CLASP1: variants seen among roughly 807,000 people sequenced by gnomAD.
CLASP1 encodes the protein cytoplasmic linker associated protein 1, also known as CLIP-associating protein 1.
CLASP1 carries 38 observed loss-of-function variants against 192.3 expected under a neutral mutation model. The ratio of observed to expected loss-of-function variants is 0.20; its 90% CI spans 0.15 to 0.26. The LOEUF (loss-of-function observed/expected upper bound fraction) is 0.26, where lower values mean the gene tolerates loss of function less well. Among genes scored for constraint, CLASP1 ranks in the 10% least tolerant of loss-of-function variants. The pLI, the probability that CLASP1 is intolerant of heterozygous loss-of-function variation, is 1.00. For missense variants in CLASP1, 1,433 were observed against 1,932.5 expected, an observed-to-expected ratio of 0.74 and a Z score of 4.85; for synonymous variants, 691 against 712.8, an observed-to-expected ratio of 0.97 and a Z score of 0.49.
In CLASP1 at chr2:121,465,641, G is replaced by T. The variant is rs1230392248; in HGVS notation, c.866-3036C>A. Among the ~76,000 whole-genome samples, 3 of 152,128 alleles carry T rather than the reference G, an allele frequency of 2.0e-5. No homozygotes were observed. The East Asian group carries it at 5.8e-4, about 29-fold the overall frequency. ...ATGCCATCCCCATCAAGCTACCAAT[G>T]ACTTTCTTCACAGAATTGGAAAAAA... is the stretch of plus-strand genomic sequence containing the variant. On this transcript the variant is annotated intron_variant, in intron 9 of 39. Transcript: ENST00000263710.
chr2:121,627,185 A>G (rs1461177965), intron 1 of CLASP1, among the ~76,000 whole-genome samples: 3 of 152,232 alleles, frequency 2.0e-5, no homozygotes, highest in African/African-American at 7.2e-5. Flanking sequence ...GAGAAACAAC[A>G]AAATATGCGT....
chr2:121,512,929 A>C (rs2094181064), intron 7 of CLASP1: 1 of 152,254 alleles, frequency 6.6e-6, no homozygotes, highest in African/African-American at 2.4e-5. Context: ...AGCAAATTTT[A>C]CAATATTGTA....
intron 34 of CLASP1, among the ~76,000 whole-genome samples, chr2:121,368,456 T>A (rs2067889240): frequency 6.6e-6 from 1 of 152,188 alleles, no homozygotes; most frequent in Non-Finnish European, 1.5e-5. Context: ...AATTTTTTTT[T>A]TTTCCCTAGT....
chr2:121,527,926 G>A, intron 4 of CLASP1, 36 bp from the exon 5 acceptor site: 1 of 1,541,058 alleles, frequency 6.5e-7, no homozygotes, highest in Non-Finnish European at 9.0e-7. Flanking sequence ...GAAAGGAGAA[G>A]ACTGCTGCAG....
At chr2:121,387,987 T>C in intron 30 of CLASP1, 81 bp from the exon 32 acceptor site, 1 of 1,131,860 alleles carries the variant, frequency 8.8e-7, no homozygotes, top group South Asian at 1.7e-5. Flanking sequence ...AAAAAAATAT[T>C]TTATAAGTAA....
intron 30 of CLASP1, among the ~76,000 whole-genome samples, chr2:121,389,011 AAATT>A (rs2073858969): frequency 6.6e-6 from 1 of 152,188 alleles, no homozygotes; most frequent in African/African-American, 2.4e-5. Flanking sequence ...TACAATGCTA[AAATT>A]AATTATAGGT....
chr2:121,506,582 T>A (rs1380904616), intron 7 of CLASP1, among the ~76,000 whole-genome samples: 1 of 151,620 alleles, frequency 6.6e-6, no homozygotes, highest in Non-Finnish European at 1.5e-5. Flanking sequence ...ACCTGGGAGG[T>A]CACGTATATG....
At chr2:121,567,670 G>C (rs1487297332) in intron 2 of CLASP1, among the ~76,000 whole-genome samples, 2 of 152,122 alleles carry the variant, frequency 1.3e-5, no homozygotes, top group Non-Finnish European at 2.9e-5. Flanking sequence ...TAACTCCCTG[G>C]CACATCTTAT....
At chr2:121,582,848 G>A (rs921474953) in intron 2 of CLASP1, among the ~76,000 whole-genome samples, 4 of 150,530 alleles carry the variant, frequency 2.7e-5, no homozygotes, top group African/African-American at 9.8e-5. Context: ...ACAGTGGCGC[G>A]ATCTCAGCTC....
chr2:121,399,554 A>T (rs2075833472), intron 28 of CLASP1, among the ~76,000 whole-genome samples: 1 of 152,238 alleles, frequency 6.6e-6, no homozygotes, highest in Non-Finnish European at 1.5e-5. Context: ...ACTGAGAAGC[A>T]ATTCTCAGCC....
chr2:121,627,693 C>T (rs1301377724), intron 1 of CLASP1, among the ~76,000 whole-genome samples: 3 of 152,108 alleles, frequency 2.0e-5, no homozygotes, highest in Non-Finnish European at 1.5e-5. Flanking sequence ...ATCTGACGGA[C>T]GAGGAAAACG....
intron 20 of CLASP1, among the ~76,000 whole-genome samples, chr2:121,428,910 A>G (rs767959529): frequency 5.9e-5 from 9 of 152,346 alleles, no homozygotes; most frequent in Non-Finnish European, 1.2e-4. Context: ...CAATTTACAG[A>G]CAACGAAACA....
chr2:121,340,821 C>G (rs374727772), exon 40 of CLASP1: 1 of 1,505,852 alleles, frequency 6.6e-7, no homozygotes, highest in South Asian at 1.2e-5. Flanking sequence ...AGAGGCACCA[C>G]CGATTGCTTC....
chr2:121,648,900 C>A (rs2073694880), intron 1 of CLASP1, among the ~76,000 whole-genome samples: 1 of 152,232 alleles, frequency 6.6e-6, no homozygotes, highest in South Asian at 2.1e-4. Flanking sequence ...CCGGGCCGCC[C>A]GCCTCCCGGC....
chr2:121,516,649 C>T (rs2094304235), intron 6 of CLASP1, among the ~76,000 whole-genome samples: 1 of 152,076 alleles, frequency 6.6e-6, no homozygotes, highest in Non-Finnish European at 1.5e-5. Context: ...GTTAAATTTC[C>T]AGGGTGAGAA....
intron 31 of CLASP1, 77 bp downstream of exon 32, chr2:121,387,686 T>C: frequency 2.8e-6 from 4 of 1,412,914 alleles, no homozygotes; most frequent in Non-Finnish European, 4.0e-6. Flanking sequence ...GGGTATTCTA[T>C]TAGAGTAGGT....
Position 121,638,985 on chromosome 2 carries a change from G to A in CLASP1, c.-286+10387C>T, listed in dbSNP as rs1448437206. Among the ~76,000 whole-genome samples the A allele has an allele frequency of 3.3e-5, 5 of 152,108 alleles. No homozygotes were observed. In the South Asian group the frequency reaches 1.0e-3, roughly 31 times the overall value. ...TGCCCAGCCAACAATGGAGTACACT[G>A]CGCAAATGGGGCCAGGTGCGGTGGC... On this transcript the variant is annotated intron_variant, in intron 1 of 39. Transcript: ENST00000263710.
rs916673121 is a variant in CLASP1 at position 121,393,318 on chromosome 2, C to T, written c.3123+3822G>A. 5.3e-5 allele frequency among the ~76,000 whole-genome samples: 8 copies of T among 152,078 alleles called. No homozygotes were observed. In the South Asian group the frequency reaches 6.2e-4, roughly 12 times the overall value. Reference sequence around the variant, plus strand: ...AAGAACTTGGTTTAAGATCACAAAACGCTTTTAAATCACCAAGATTTCCTC... The same window carrying T: ...AAGAACTTGGTTTAAGATCACAAAATGCTTTTAAATCACCAAGATTTCCTC... On this transcript the variant is annotated intron_variant, in intron 30 of 39. Coordinates refer to ENST00000263710, the Ensembl canonical transcript of CLASP1.
chr2:121,547,265 C>G (rs1041494736), intron 2 of CLASP1, among the ~76,000 whole-genome samples: 2 of 152,324 alleles, frequency 1.3e-5, no homozygotes, highest in South Asian at 4.2e-4. Flanking sequence ...GAAAGCCTCT[C>G]TGCCACTGCC....
Sources: allele counts gnomAD v4.1 joint callset (sites outside exome capture counted in the v4.1 genomes callset), GRCh38; gene constraint gnomAD v4.1.1; transcripts MANE v1.5; gene names NCBI Gene and HGNC (gene_info 2026-07-23, HGNC 2026-07-21).